The following GALNT13 variants were observed in gnomAD, a reference collection of about 807,000 sequenced individuals.
GALNT13 encodes the protein polypeptide N-acetylgalactosaminyltransferase 13.
Under a neutral mutation model 64.2 loss-of-function variants are expected in GALNT13, and 28 were observed. That is an observed-to-expected ratio of 0.44 (90% confidence interval 0.32 to 0.60). The LOEUF (loss-of-function observed/expected upper bound fraction) is 0.60, where lower values mean the gene tolerates loss of function less well. Among genes scored for constraint, GALNT13 ranks in the 20% least tolerant of loss-of-function variants. The pLI, the probability that GALNT13 is intolerant of heterozygous loss-of-function variation, is 0.05. For synonymous variants in GALNT13, 214 were observed against 224.6 expected, an observed-to-expected ratio of 0.95 and a Z score of 0.42; for missense variants, 577 against 669.8, an observed-to-expected ratio of 0.86 and a Z score of 1.53.
the GALNT13 span, among the ~76,000 whole-genome samples, chr2:153,732,075 A>T: frequency 6.6e-6 from 1 of 152,012 alleles, no homozygotes; most frequent in Admixed American, 6.6e-5. Flanking sequence ...TACAGGAGAC[A>T]TACAATGAGT....
chr2:154,286,922 G>A, intron 8 of GALNT13: 2 of 501,984 alleles, frequency 4.0e-6, no homozygotes, highest in African/African-American at 1.9e-5. Flanking sequence ...ACCAGCATCG[G>A]AGAGGACTAC....
the GALNT13 span, among the ~76,000 whole-genome samples, chr2:153,089,863 A>G: frequency 6.6e-6 from 1 of 151,940 alleles, no homozygotes; most frequent in Non-Finnish European, 1.5e-5. Context: ...AATTTTTTAA[A>G]GTCGGTTTTT....
chr2:153,365,939 C>T, the GALNT13 span, among the ~76,000 whole-genome samples: 6 of 152,116 alleles, frequency 3.9e-5, no homozygotes, highest in African/African-American at 1.2e-4. Context: ...GACACATGCA[C>T]TCATACGTTG....
At chr2:153,112,308 T>A in the GALNT13 span, among the ~76,000 whole-genome samples, 1 of 152,138 alleles carries the variant, frequency 6.6e-6, no homozygotes, top group Non-Finnish European at 1.5e-5. Context: ...TAATGAAGGC[T>A]CTACCCTTCA....
chr2:153,349,649 A>G, the GALNT13 span, among the ~76,000 whole-genome samples: 1 of 152,174 alleles, frequency 6.6e-6, no homozygotes, highest in South Asian at 2.1e-4. Flanking sequence ...TATACTGCCA[A>G]TGTGGAATCA....
chr2:153,599,502 G>A, the GALNT13 span, among the ~76,000 whole-genome samples: 1 of 151,948 alleles, frequency 6.6e-6, no homozygotes, highest in African/African-American at 2.4e-5. Context: ...TATGGGGTAA[G>A]TGCAAATTTT....
At chr2:153,758,759 T>C in the GALNT13 span, among the ~76,000 whole-genome samples, 963 of 152,118 alleles carry the variant, frequency 6.3e-3, 8 homozygotes, top group African/African-American at 0.021. Flanking sequence ...ACCCAGCTAA[T>C]TTTTTGTTAT....
At chr2:153,448,994 G>GTC in the GALNT13 span, among the ~76,000 whole-genome samples, 12 of 151,992 alleles carry the variant, frequency 7.9e-5, no homozygotes, top group Non-Finnish European at 1.6e-4. Context: ...CTGTCTTTCT[G>GTC]TCTCTCTCTC....
At chr2:154,236,043 C>A in intron 4 of GALNT13, 1 of 1,243,610 alleles carries the variant, frequency 8.0e-7, no homozygotes, top group Admixed American at 2.5e-5. Flanking sequence ...TATAAATCAA[C>A]AGCTAATAGA....
the GALNT13 span, among the ~76,000 whole-genome samples, chr2:153,787,134 G>A: frequency 1.3e-5 from 2 of 152,096 alleles, no homozygotes; most frequent in African/African-American, 2.4e-5. Context: ...AGATATGATG[G>A]GAAGCCCAGG....
chr2:154,099,553 T>C (rs1702241038), intron 3 of GALNT13, among the ~76,000 whole-genome samples: 1 of 152,136 alleles, frequency 6.6e-6, no homozygotes, highest in Non-Finnish European at 1.5e-5. Context: ...TTTCAGGTCT[T>C]ACCATTAAGC....
intron 4 of GALNT13, among the ~76,000 whole-genome samples, chr2:154,234,808 GA>G (rs1419489150): frequency 2.0e-5 from 3 of 152,030 alleles, no homozygotes; most frequent in Non-Finnish European, 4.4e-5. Context: ...GTGACATGCA[GA>G]ATGCTAGATT....
chr2:153,965,175 A>G (rs1441809171), intron 3 of GALNT13, among the ~76,000 whole-genome samples: 1 of 152,158 alleles, frequency 6.6e-6, no homozygotes, highest in East Asian at 1.9e-4. Flanking sequence ...TGTCACCTCA[A>G]GCATTTACGA....
At chr2:153,957,189 A>G (rs183923556) in intron 3 of GALNT13, among the ~76,000 whole-genome samples, 24 of 152,324 alleles carry the variant, frequency 1.6e-4, no homozygotes, top group Admixed American at 1.4e-3. Context: ...ACACAAGACA[A>G]CTGGATTCAA....
the GALNT13 span, among the ~76,000 whole-genome samples, chr2:153,267,315 T>C: frequency 1.3e-5 from 2 of 152,186 alleles, no homozygotes; most frequent in African/African-American, 4.8e-5. Context: ...CCACCCCACA[T>C]TTTCTCTCTG....
chr2:153,899,999 G>C (rs1439528721), intron 1 of GALNT13, among the ~76,000 whole-genome samples: 1 of 140,884 alleles, frequency 7.1e-6, no homozygotes, highest in Non-Finnish European at 1.5e-5. Context: ...GCAGTGGCAC[G>C]ATCTCATCTC....
chr2:153,143,089 G>T, the GALNT13 span, among the ~76,000 whole-genome samples: 2 of 151,906 alleles, frequency 1.3e-5, no homozygotes, highest in Non-Finnish European at 2.9e-5. Flanking sequence ...GAAAAAGTGT[G>T]CAAGTGATCC....
the GALNT13 span, among the ~76,000 whole-genome samples, chr2:153,607,770 T>G: frequency 1.3e-5 from 2 of 152,100 alleles, no homozygotes; most frequent in African/African-American, 4.8e-5. Context: ...TGAGAAGAGG[T>G]GATAGTGTTT....
At chr2:153,741,267 A>T in the GALNT13 span, among the ~76,000 whole-genome samples, 1 of 151,604 alleles carries the variant, frequency 6.6e-6, no homozygotes, top group Admixed American at 6.6e-5. Flanking sequence ...TTTCTATTTC[A>T]TTATTTCAAT....
Sources: gnomAD v4.1 joint callset for allele counts (sites outside exome capture counted in the v4.1 genomes callset) on GRCh38, gnomAD v4.1.1 for gene constraint, MANE v1.5 for transcripts, NCBI Gene and HGNC (gene_info 2026-07-23, HGNC 2026-07-21) for gene names.